SPTBN1: variants seen among roughly 807,000 people sequenced by gnomAD.
SPTBN1 encodes the protein spectrin beta chain, non-erythrocytic 1.
SPTBN1 carries 32 observed loss-of-function variants against 266.4 expected under a neutral mutation model. The ratio of observed to expected loss-of-function variants is 0.12; its 90% CI spans 0.09 to 0.16. SPTBN1 has a LOEUF of 0.16. SPTBN1 is among the 10% of genes least tolerant of loss of function. The probability of loss-of-function intolerance (pLI) is 1.00; values close to 1 mark genes in which losing one functional copy is unlikely to be tolerated. For missense variants in SPTBN1, 2,296 were observed against 3,067.1 expected (o/e 0.75, Z 5.94); for synonymous variants, 1,336 against 1,162.2 (o/e 1.15, Z -3.04).
intron 2 of SPTBN1, among the ~76,000 whole-genome samples, chr2:54,578,643 T>C (rs1052151268): frequency 1.3e-4 from 20 of 152,214 alleles, no homozygotes; most frequent in Non-Finnish European, 1.5e-5. Context: ...CCATTCATTA[T>C]GATCTATATT....
Position 54,640,176 on chromosome 2 carries a change from C to A in SPTBN1, c.3858+2373C>A, listed in dbSNP as rs190967230. Among the ~76,000 whole-genome samples, 9 of 152,276 alleles carry A rather than the reference C, an allele frequency of 5.9e-5. No individual in the cohort carries two copies. In the East Asian group the frequency reaches 1.7e-3, roughly 29 times the overall value. The stretch of plus-strand genomic sequence containing the variant: ...AAATACACCCCTTTTAAGCCAGAAT[C>A]TTTTGAGAATGGCGTTTGTGTGTGG... On this transcript the variant is annotated intron_variant, in intron 18 of 35. Transcript: ENST00000356805.
intron 20 of SPTBN1, among the ~76,000 whole-genome samples, chr2:54,644,964 G>A (rs1330907069): frequency 6.6e-6 from 1 of 152,218 alleles, no homozygotes; most frequent in Non-Finnish European, 1.5e-5. Context: ...AGTTATCTGA[G>A]TTGTTCAAGG....
In SPTBN1 at chr2:54,628,386, G is replaced by C; in HGVS notation, c.1798+136G>C. 6 of 1,142,704 alleles carry C rather than the reference G, an allele frequency of 5.3e-6. No homozygotes were observed. The highest frequency in any genetic ancestry group is 7.0e-6 in the Non-Finnish European group (6 of 852,154). 70.8% of individuals were successfully genotyped at this position (1,142,704 alleles called of 1,614,324 possible). ...TGTCATGGGAGCATGAAATACGGTG[G>C]AGTGGCCTTCTGAACACTAACTCCA... On this transcript the variant is annotated intron_variant, in intron 13 of 35. Coordinates refer to ENST00000356805, the MANE Select transcript of SPTBN1 (RefSeq NM_003128.3). This position sits in a 1 kb window ranked among gnomAD's most constrained non-coding sequence, Gnocchi z 4.3.
Position 54,593,943 on chromosome 2 carries a change from C to G in SPTBN1, c.149-5149C>G, listed in dbSNP as rs532308218. ...CCGCCTCCCAGGTTCAAGTAGTTCT[C>G]CTGCCTCAGCCTCCTGAGTAGCTGG... is the stretch of plus-strand genomic sequence containing the variant. On this transcript the variant is annotated intron_variant, in intron 2 of 35. Transcript: ENST00000356805. Among the ~76,000 whole-genome samples, 7 of 143,336 alleles carry G rather than the reference C, an allele frequency of 4.9e-5. No individual in the cohort carries two copies. The South Asian group carries it at 1.3e-3, about 28-fold the overall frequency. The allele number at this position is 143,336 out of a possible 152,430, so 94.0% of individuals were successfully genotyped here. A position where few individuals can be genotyped will look rare whatever the true frequency, so the allele number is the denominator to read the frequency against.
At chr2:54,655,047 A>T (rs1680556557) in intron 27 of SPTBN1, 23 bp from the exon 28 acceptor site, 2 of 1,602,764 alleles carry the variant, frequency 1.2e-6, no homozygotes, top group South Asian at 2.2e-5. Context: ...CTCCTAACGG[A>T]GGCATCGTTT....
Position 54,628,804 on chromosome 2 carries a change from C to A in SPTBN1, c.1799-129C>A. On this transcript the variant is annotated intron_variant, in intron 13 of 35. Coordinates refer to ENST00000356805, the MANE Select transcript of SPTBN1 (RefSeq NM_003128.3). The surrounding 1 kb of genome is among the most constrained non-coding windows in gnomAD (Gnocchi z 4.3). Reference sequence around the variant, plus strand: ...GGTGCTCCATTGCCTTATCGCATGGCCCTGCATTTACATTTAGCAGTGAGC... The same window carrying A: ...GGTGCTCCATTGCCTTATCGCATGGACCTGCATTTACATTTAGCAGTGAGC... 1 of 1,222,746 alleles carries A rather than the reference C, an allele frequency of 8.2e-7. No individual in the cohort carries two copies. The highest frequency in any genetic ancestry group is 1.1e-6 in the Non-Finnish European group (1 of 890,982). The allele number at this position is 1,222,746 out of a possible 1,614,324, so 75.7% of individuals were successfully genotyped here.
In SPTBN1 at chr2:54,649,159, A is replaced by G; in HGVS notation, c.5171A>G (p.His1724Arg). The change falls in exon 25 of 36, where the codon CAT becomes CGT. Residue 1724 changes from histidine to arginine, a missense_variant. Physicochemically the swap from His to Arg is conservative, Grantham distance 29. This residue lies in a region of SPTBN1 where 644 missense variants were observed against 745.3 expected (regional missense o/e 0.86). Coordinates refer to ENST00000356805, the MANE Select transcript of SPTBN1 (RefSeq NM_003128.3). This position sits in a 1 kb window ranked among gnomAD's most constrained non-coding sequence, Gnocchi z 6.7. The part of the protein sequence containing the change: ...IAEREVVAGS[H>R]ELGQDYEHVT... The stretch of plus-strand genomic sequence containing the variant: ...GAGAGGGAGGTGGTCGCAGGGTCCC[A>G]TGAACTGGGACAGGACTATGAGCAT... 1.9e-6 allele frequency: 3 copies of G among 1,611,002 alleles called. No individual in the cohort carries two copies. Among genetic ancestry groups the G allele is most frequent in the Non-Finnish European group, 2.5e-6 (3 of 1,178,020 alleles).
chr2:54,661,811 G>A, intron 32 of SPTBN1: 1 of 985,314 alleles, frequency 1.0e-6, no homozygotes, highest in South Asian at 4.7e-5. Context: ...GTATCTAGAA[G>A]ACCCTCCAAA....
At chr2:54,550,597 A>C (rs942509341) in intron 2 of SPTBN1, among the ~76,000 whole-genome samples, 2 of 152,252 alleles carry the variant, frequency 1.3e-5, no homozygotes, top group Non-Finnish European at 2.9e-5. Flanking sequence ...GAATAGGAAC[A>C]GAGAGTGTTT....
intron 2 of SPTBN1, among the ~76,000 whole-genome samples, chr2:54,560,456 C>T (rs1276555711): frequency 1.3e-5 from 2 of 152,010 alleles, no homozygotes; most frequent in Non-Finnish European, 1.5e-5. Context: ...GCTGTTATTC[C>T]GAAAGGGCTG....
intron 3 of SPTBN1, among the ~76,000 whole-genome samples, chr2:54,602,250 T>G (rs1245262702): frequency 6.6e-6 from 1 of 152,230 alleles, no homozygotes; most frequent in Non-Finnish European, 1.5e-5. Context: ...AACATTGGAT[T>G]GGCAGATAAA....
intron 2 of SPTBN1, among the ~76,000 whole-genome samples, chr2:54,574,589 C>T (rs1674329627): frequency 6.6e-6 from 1 of 152,198 alleles, no homozygotes; most frequent in African/African-American, 2.4e-5. Flanking sequence ...GTCAGAAAGC[C>T]CATCAGTTGC....
intron 2 of SPTBN1, among the ~76,000 whole-genome samples, 153 bp from the exon 3 acceptor site, chr2:54,598,939 A>C (rs1676287409): frequency 6.6e-6 from 1 of 152,220 alleles, no homozygotes. Flanking sequence ...TTTCTCAAAG[A>C]CATGACCGCA....
At chr2:54,594,104 TAG>T (rs1675880947) in intron 2 of SPTBN1, among the ~76,000 whole-genome samples, 1 of 152,114 alleles carries the variant, frequency 6.6e-6, no homozygotes, top group Non-Finnish European at 1.5e-5. Flanking sequence ...GCTGGGATTA[TAG>T]GTGTGAGCCA....
In SPTBN1 at chr2:54,642,964, CCTT is replaced by C; in HGVS notation, c.3859-16_3859-14del. On this transcript the variant is annotated splice_polypyrimidine_tract_variant and intron_variant, in intron 18 of 35. Transcript: ENST00000356805. ...ATGTCTAGGATCACAATCTCTGAAT[CCTT>C]CTGATCTTTCTGTAGCTGTCTCTCT... is the stretch of plus-strand genomic sequence containing the variant. The C allele has an allele frequency of 6.2e-7, 1 of 1,605,278 alleles. No homozygotes were observed. Among genetic ancestry groups the C allele is most frequent in the Admixed American group, 1.7e-5 (1 of 58,978 alleles).
chr2:54,587,544 A>G (rs778037302), intron 2 of SPTBN1, among the ~76,000 whole-genome samples: 1 of 152,204 alleles, frequency 6.6e-6, no homozygotes, highest in Non-Finnish European at 1.5e-5. Context: ...GGGCATTGCA[A>G]GTTACCCTCA....
rs146267264 is a variant in SPTBN1 at position 54,640,622 on chromosome 2, G to C, written c.3859-2361G>C. Among the ~76,000 whole-genome samples, 1,352 of 150,794 alleles carry C rather than the reference G, an allele frequency of 9.0e-3. 16 individuals are homozygous for C. Among genetic ancestry groups the C allele is most frequent in the South Asian group, 0.063 (298 of 4,720 alleles). Reference sequence around the variant, plus strand: ...GCTGGAATACAGTGGTGGGATCTCAGCTCACTACAGCCCCCACCTCCCGGG... The same window carrying C: ...GCTGGAATACAGTGGTGGGATCTCACCTCACTACAGCCCCCACCTCCCGGG... On this transcript the variant is annotated intron_variant, in intron 18 of 35. Coordinates refer to ENST00000356805, the MANE Select transcript of SPTBN1 (RefSeq NM_003128.3).
intron 33 of SPTBN1, 42 bp from the exon 34 acceptor site, chr2:54,665,873 A>G (rs770639570): frequency 6.3e-7 from 1 of 1,579,272 alleles, no homozygotes; most frequent in Admixed American, 1.9e-5. Flanking sequence ...GGAATGTGGT[A>G]GAGCCTTTAT....
At chr2:54,529,034 T>C (rs894150976) in intron 2 of SPTBN1, among the ~76,000 whole-genome samples, 1 of 152,222 alleles carries the variant, frequency 6.6e-6, no homozygotes, top group Non-Finnish European at 1.5e-5. Context: ...TATATGCTGA[T>C]AGCAGGAGTT....
Sources: allele counts gnomAD v4.1 joint callset (sites outside exome capture counted in the v4.1 genomes callset), GRCh38; gene constraint gnomAD v4.1.1; regional missense constraint gnomAD v4.1.1; non-coding constraint Gnocchi (gnomAD v3.1); transcripts MANE v1.5; gene names NCBI Gene and HGNC (gene_info 2026-07-23, HGNC 2026-07-21).